Variants in PTPN11 observed in about 807,000 individuals in gnomAD.
PTPN11 encodes protein tyrosine phosphatase non-receptor type 11.
PTPN11 carries 6 observed loss-of-function variants against 78.8 expected under a neutral mutation model. The ratio of observed to expected loss-of-function variants is 0.08; its 90% CI spans 0.04 to 0.15. The LOEUF (loss-of-function observed/expected upper bound fraction) is 0.15, where lower values mean the gene tolerates loss of function less well. PTPN11 is among the 10% of genes least tolerant of loss of function. The pLI is 1.00. For missense variants in PTPN11, 386 were observed against 744.8 expected, an observed-to-expected ratio of 0.52 and a Z score of 5.61; for synonymous variants, 221 against 263.5, an observed-to-expected ratio of 0.84 and a Z score of 1.56.
chr12:112,423,777 C>T (rs1161618580), intron 1 of PTPN11, among the ~76,000 whole-genome samples: 2 of 133,044 alleles, frequency 1.5e-5, no homozygotes, highest in African/African-American at 2.9e-5. Context: ...CAGGGTCTTA[C>T]CCTGTTGCCC....
intron 4 of PTPN11, 137 bp downstream of exon 4, chr12:112,453,524 C>T: frequency 1.3e-6 from 1 of 756,598 alleles, no homozygotes; most frequent in South Asian, 2.0e-5. Flanking sequence ...TTATTTGAGA[C>T]AGGGTCTTGC....
At chr12:112,419,528 G>T (rs1275671428) in intron 1 of PTPN11, among the ~76,000 whole-genome samples, 1 of 152,188 alleles carries the variant, frequency 6.6e-6, no homozygotes, top group Non-Finnish European at 1.5e-5. Flanking sequence ...GGACACGAGA[G>T]GGGAGTTGCG....
chr12:112,444,274 C>T (rs1177522945), intron 1 of PTPN11, among the ~76,000 whole-genome samples: 1 of 152,000 alleles, frequency 6.6e-6, no homozygotes, highest in Non-Finnish European at 1.5e-5. Flanking sequence ...CAATTTGAAT[C>T]CGTGTTTTCA....
chr12:112,482,855 A>G lies in PTPN11; in HGVS notation c.1224+650A>G, dbSNP rs541307146. On this transcript the variant is annotated intron_variant, in intron 10 of 15. Coordinates refer to ENST00000351677, the MANE Select transcript of PTPN11 (RefSeq NM_002834.5). This position sits in a 1 kb window ranked among gnomAD's most constrained non-coding sequence, Gnocchi z 4.4. The stretch of plus-strand genomic sequence containing the variant: ...TGAGCGGACAGTGGTGCTGTGGCAG[A>G]CACCACAAAAGCTGGAAGGAGAACT... Among the ~76,000 whole-genome samples the G allele has an allele frequency of 1.3e-5, 2 of 152,314 alleles. No homozygotes were observed. Among genetic ancestry groups the G allele is most frequent in the South Asian group, 2.1e-4 (1 of 4,826 alleles).
chr12:112,503,263 G>T (rs751529432), intron 14 of PTPN11, among the ~76,000 whole-genome samples: 1 of 152,178 alleles, frequency 6.6e-6, no homozygotes, highest in Non-Finnish European at 1.5e-5. Flanking sequence ...TGAAAACACG[G>T]TAGGAAAGCA....
intron 1 of PTPN11, 142 bp from the exon 2 acceptor site, chr12:112,446,134 G>A (rs1284420979): frequency 9.7e-6 from 10 of 1,029,140 alleles, no homozygotes; most frequent in African/African-American, 4.8e-5. Context: ...AAGGAGAAGA[G>A]GGGGAAGGGA....
chr12:112,472,921 T>C (rs749236518), intron 6 of PTPN11, 23 bp from the exon 7 acceptor site: 4 of 1,550,530 alleles, frequency 2.6e-6, no homozygotes, highest in Non-Finnish European at 3.6e-6. Context: ...CACGTAATAA[T>C]ATTGACTTTT....
At chr12:112,501,881 T>A (rs1348333758) in intron 13 of PTPN11, among the ~76,000 whole-genome samples, 1 of 152,232 alleles carries the variant, frequency 6.6e-6, no homozygotes, top group Non-Finnish European at 1.5e-5. Flanking sequence ...CAGGGACATT[T>A]GGTTCGGTAC....
At chr12:112,431,586 A>G (rs2037713514) in intron 1 of PTPN11, among the ~76,000 whole-genome samples, 1 of 152,140 alleles carries the variant, frequency 6.6e-6, no homozygotes, top group Non-Finnish European at 1.5e-5. Flanking sequence ...AGGGAAAAGC[A>G]CATGTAAAAG....
intron 1 of PTPN11, among the ~76,000 whole-genome samples, chr12:112,442,624 G>A (rs1213682938): frequency 6.6e-6 from 1 of 150,398 alleles, no homozygotes; most frequent in Non-Finnish European, 1.5e-5. Context: ...GCTAATTTTT[G>A]TATTTTTAGT....
intron 1 of PTPN11, 121 bp downstream of exon 1, chr12:112,419,246 G>A (rs2037478477): frequency 1.8e-6 from 2 of 1,092,824 alleles, no homozygotes; most frequent in Non-Finnish European, 2.4e-6. Context: ...TCGGGGTTGG[G>A]GGCCGGTTCC....
At chr12:112,486,864 A>G (rs569481663) in intron 11 of PTPN11, 41 of 1,424,024 alleles carry the variant, frequency 2.9e-5, no homozygotes, top group Non-Finnish European at 3.6e-5. Flanking sequence ...AACAGCAAAG[A>G]CTAAGTCAGC....
intron 13 of PTPN11, among the ~76,000 whole-genome samples, chr12:112,499,775 C>A (rs1248011306): frequency 1.3e-5 from 2 of 151,352 alleles, no homozygotes; most frequent in South Asian, 2.1e-4. Flanking sequence ...CATAATGAGA[C>A]CCCCTCTCTA....
intron 6 of PTPN11, 31 bp from the exon 7 acceptor site, chr12:112,472,913 C>A: frequency 6.6e-7 from 1 of 1,508,572 alleles, no homozygotes; most frequent in Non-Finnish European, 9.2e-7. Flanking sequence ...CTCTTTGACA[C>A]GTAATAATAT....
chr12:112,490,764 A>C (rs927850169), intron 13 of PTPN11, among the ~76,000 whole-genome samples: 2 of 152,184 alleles, frequency 1.3e-5, no homozygotes, highest in Admixed American at 6.5e-5. Flanking sequence ...GGTTTTAAAA[A>C]TGTGTAGGCT....
At chr12:112,477,532 G>A in intron 7 of PTPN11, 119 bp from the exon 8 acceptor site, 3 of 779,024 alleles carry the variant, frequency 3.9e-6, no homozygotes, top group Admixed American at 2.5e-5. Context: ...ATTTTTATGT[G>A]TTTTTTTTTC....
intron 6 of PTPN11, among the ~76,000 whole-genome samples, chr12:112,466,194 G>T (rs1367250562): frequency 6.6e-6 from 1 of 152,174 alleles, no homozygotes; most frequent in African/African-American, 2.4e-5. Flanking sequence ...TGTTTTGATA[G>T]GCCTTTACTA....
At chr12:112,470,676 G>A (rs976216940) in intron 6 of PTPN11, among the ~76,000 whole-genome samples, 3 of 152,104 alleles carry the variant, frequency 2.0e-5, no homozygotes, top group Non-Finnish European at 4.4e-5. Context: ...AGTGTCATGC[G>A]AAGTTGGGTT....
chr12:112,456,499 C>T (rs1490956491), intron 6 of PTPN11, among the ~76,000 whole-genome samples: 1 of 149,410 alleles, frequency 6.7e-6, no homozygotes, highest in Non-Finnish European at 1.5e-5. Flanking sequence ...CGCTCTGTCG[C>T]CGAAGCTGGA....
Sources: gnomAD v4.1 joint callset for allele counts (sites outside exome capture counted in the v4.1 genomes callset) on GRCh38, gnomAD v4.1.1 for gene constraint, Gnocchi (gnomAD v3.1) non-coding constraint, MANE v1.5 for transcripts, NCBI Gene and HGNC (gene_info 2026-07-23, HGNC 2026-07-21) for gene names.